The following NAGS variants were observed in gnomAD, a reference collection of about 807,000 sequenced individuals.
NAGS encodes N-acetylglutamate synthase, mitochondrial.
In NAGS, 34 loss-of-function variants were observed where a neutral mutation model predicts 46.9. The observed-to-expected ratio is 0.72, with a 90% CI of 0.55 to 0.97. NAGS has a LOEUF of 0.97. Among genes scored for constraint, NAGS ranks in the 50% least tolerant of loss-of-function variants. The pLI is 0.00. For missense variants in NAGS, 665 were observed against 747.0 expected (o/e 0.89, Z 1.28); for synonymous variants, 334 against 346.3 (o/e 0.96, Z 0.39).
Position 44,006,227 on chromosome 17 carries a change from G to A in NAGS, c.905G>A (p.Ser302Asn). ...FLNNTGGLRD[S>N]SHKVLSNVNL... is the part of the protein sequence containing the mutation. ...AATAACACAGGCGGCCTGCGCGACA[G>A]CAGTCATAAGGTGCGGCCCTTTCTT... is the stretch of plus-strand genomic sequence containing the variant. Residue 302 changes from serine (S) to asparagine (N), a missense_variant, in exon 3 of 7, where the codon AGC becomes AAC. Ser to Asn is a conservative substitution (Grantham distance 46, BLOSUM62 1). Coordinates refer to ENST00000293404, the MANE Select transcript of NAGS (RefSeq NM_153006.3). The surrounding 1 kb of genome is among the most constrained non-coding windows in gnomAD (Gnocchi z 4.8). The A allele has an allele frequency of 6.2e-7, 1 of 1,613,210 alleles. No homozygotes were observed. Among genetic ancestry groups the A allele is most frequent in the Non-Finnish European group, 8.5e-7 (1 of 1,180,018 alleles).
At position 44,006,951 on chromosome 17, in the gene NAGS, A is replaced by C; in HGVS notation, c.1096+242A>C. On this transcript the variant is annotated intron_variant, in intron 4 of 6. Coordinates refer to ENST00000293404, the MANE Select transcript of NAGS (RefSeq NM_153006.3). This position sits in a 1 kb window ranked among gnomAD's most constrained non-coding sequence, Gnocchi z 4.8. ...GGAATGGGCGGGACTAGGGGGGAGA[A>C]GGAGGGGCCCCCCGGTGGGCGGGGC... is the stretch of plus-strand genomic sequence containing the variant. The C allele has an allele frequency of 6.8e-6, 2 of 294,142 alleles. No individual in the cohort carries two copies. Among genetic ancestry groups the C allele is most frequent in the East Asian group, 5.7e-5 (1 of 17,660 alleles). 18.2% of individuals were successfully genotyped at this position (294,142 alleles called of 1,614,324 possible).
chr17:44,008,072 C>G (rs1478130180), intron 6 of NAGS, among the ~76,000 whole-genome samples: 1 of 152,186 alleles, frequency 6.6e-6, no homozygotes, highest in African/African-American at 2.4e-5. Context: ...AGTGGAACAT[C>G]CCTCCTCTCT....
Position 44,008,733 on chromosome 17 carries a change from G to C in NAGS, c.*132G>C. 8.1e-7 allele frequency: 1 copy of C among 1,241,304 alleles called. No homozygotes were observed. Among genetic ancestry groups the C allele is most frequent in the Non-Finnish European group, 1.2e-6 (1 of 858,004 alleles). 76.9% of individuals were successfully genotyped at this position (1,241,304 alleles called of 1,614,324 possible). A position where few individuals can be genotyped will look rare whatever the true frequency, so the allele number is the denominator to read the frequency against. On this transcript the variant is annotated 3_prime_UTR_variant, in exon 7 of 7. Coordinates refer to ENST00000293404, the MANE Select transcript of NAGS (RefSeq NM_153006.3). ...GGCTGAGTGATCTGCAGAGGAGAAA[G>C]CAGCCCCAGCTCTGCCCAGAGGAGG...
Position 44,007,450 on chromosome 17 carries a change from G to A in NAGS, c.1224G>A (p.Leu408=), listed in dbSNP as rs2143990246. Reference sequence around the variant, plus strand: ...GCAAGAAGCTCAGGGACGACTACCTGGCCTCGCTGCGCCCGCGGCTGCACT... The same window carrying A: ...GCAAGAAGCTCAGGGACGACTACCTAGCCTCGCTGCGCCCGCGGCTGCACT... ...SFGKKLRDDY[L]ASLRPRLHSI... Residue 408 remains leucine, a synonymous_variant, in exon 5 of 7, where the codon CTG becomes CTA. Coordinates refer to ENST00000293404, the MANE Select transcript of NAGS (RefSeq NM_153006.3). The surrounding 1 kb of genome is among the most constrained non-coding windows in gnomAD (Gnocchi z 5.1). 2 of 1,613,870 alleles carry A rather than the reference G, an allele frequency of 1.2e-6. No individual in the cohort carries two copies. The highest frequency in any genetic ancestry group is 1.7e-6 in the Non-Finnish European group (2 of 1,180,002).
Position 44,007,851 on chromosome 17 carries a change from A to G in NAGS, c.1451+78A>G. 6 of 1,446,130 alleles carry G rather than the reference A, an allele frequency of 4.1e-6. No homozygotes were observed. The highest frequency in any genetic ancestry group is 5.7e-6 in the Non-Finnish European group (6 of 1,051,714). 89.6% of individuals were successfully genotyped at this position (1,446,130 alleles called of 1,614,324 possible). On this transcript the variant is annotated intron_variant, in intron 6 of 6. Transcript: ENST00000293404. The surrounding 1 kb of genome is among the most constrained non-coding windows in gnomAD (Gnocchi z 5.1). ...CCCACCCTTGCCAACCATGCCAAGA[A>G]GGCTGGGCTTCCTCTTCTTCCACTG...
At chr17:44,008,329 A>G in intron 6 of NAGS, 119 bp from the exon 7 acceptor site, 1 of 1,219,764 alleles carries the variant, frequency 8.2e-7, no homozygotes, top group Non-Finnish European at 1.2e-6. Context: ...AGCAGGACCA[A>G]GCTGGGTGCC....
At position 44,006,534 on chromosome 17, in the gene NAGS, G is replaced by T; in HGVS notation, c.921G>T (p.Leu307=). The T allele has an allele frequency of 6.4e-7, 1 of 1,553,976 alleles. No individual in the cohort carries two copies. The highest frequency in any genetic ancestry group is 8.7e-7 in the Non-Finnish European group (1 of 1,148,514). The change falls in exon 4 of 7, where the codon CTG becomes CTT. Residue 307 remains leucine (L), a synonymous_variant. Coordinates refer to ENST00000293404, the MANE Select transcript of NAGS (RefSeq NM_153006.3). This position sits in a 1 kb window ranked among gnomAD's most constrained non-coding sequence, Gnocchi z 4.8. The part of the protein sequence containing the change: ...GGLRDSSHKV[L]SNVNLPADLD... ...CCCGCTGACTCCGGACACAGGTCCT[G>T]AGTAACGTGAACCTGCCCGCCGACC...
At position 44,006,517 on chromosome 17, in the gene NAGS, C is replaced by T; in HGVS notation, c.916-12C>T. ...GCTGTGGGCCAGGCTCACCCGCTGA[C>T]TCCGGACACAGGTCCTGAGTAACGT... On this transcript the variant is annotated splice_polypyrimidine_tract_variant and intron_variant, in intron 3 of 6. Transcript: ENST00000293404. This position sits in a 1 kb window ranked among gnomAD's most constrained non-coding sequence, Gnocchi z 4.8. The T allele has an allele frequency of 6.4e-7, 1 of 1,551,326 alleles. No homozygotes were observed. The highest frequency in any genetic ancestry group is 8.7e-7 in the Non-Finnish European group (1 of 1,147,390).
In NAGS at chr17:44,006,036, C is replaced by T. The variant is rs751366509; in HGVS notation, c.714C>T (p.Ile238=). 4 of 1,602,876 alleles carry T rather than the reference C, an allele frequency of 2.5e-6. No individual in the cohort carries two copies. The highest frequency in any genetic ancestry group is 1.3e-5 in the African/African-American group (1 of 74,662). ...GTCTGGCCCACAGCTACGGCGGCAT[C>T]GTCTCGGTGGAGACAGACCTGCTGC... ...EPAPHASYGG[I]VSVETDLLQW... The change falls in exon 3 of 7, where the codon ATC becomes ATT. Residue 238 remains isoleucine, a synonymous_variant. Coordinates refer to ENST00000293404, the MANE Select transcript of NAGS (RefSeq NM_153006.3). This position sits in a 1 kb window ranked among gnomAD's most constrained non-coding sequence, Gnocchi z 4.8.
In NAGS at chr17:44,006,781, A is replaced by G; in HGVS notation, c.1096+72A>G. 1.4e-6 allele frequency: 2 copies of G among 1,469,286 alleles called. No individual in the cohort carries two copies. Among genetic ancestry groups the G allele is most frequent in the East Asian group, 2.3e-5 (1 of 43,134 alleles). The allele number at this position is 1,469,286 out of a possible 1,614,324, so 91.0% of individuals were successfully genotyped here. ...TGGCCGGGGCTGGGTGTCTGCGGTC[A>G]GGAGGAGCGGCTTCTCCTCCTGTCC... On this transcript the variant is annotated intron_variant, in intron 4 of 6. Transcript: ENST00000293404. The surrounding 1 kb of genome is among the most constrained non-coding windows in gnomAD (Gnocchi z 4.8).
chr17:44,006,531 C>T lies in NAGS; in HGVS notation c.918C>T (p.Val306=). 1 of 1,553,318 alleles carries T rather than the reference C, an allele frequency of 6.4e-7. No homozygotes were observed. Among genetic ancestry groups the T allele is most frequent in the Non-Finnish European group, 8.7e-7 (1 of 1,148,264 alleles). Residue 306 remains valine (V), a splice_region_variant and synonymous_variant, in exon 4 of 7, where the codon GTC becomes GTT. Coordinates refer to ENST00000293404, the MANE Select transcript of NAGS (RefSeq NM_153006.3). The surrounding 1 kb of genome is among the most constrained non-coding windows in gnomAD (Gnocchi z 4.8). The part of the protein sequence containing the change: ...TGGLRDSSHK[V]LSNVNLPADL... ...TCACCCGCTGACTCCGGACACAGGT[C>T]CTGAGTAACGTGAACCTGCCCGCCG...
rs770937237 is a variant in NAGS, at chr17:44,008,610, A to G, written c.*9A>G. On this transcript the variant is annotated 3_prime_UTR_variant, in exon 7 of 7. Coordinates refer to ENST00000293404, the MANE Select transcript of NAGS (RefSeq NM_153006.3). ...CTGACCCAGGCAGCTGACCCTCACC[A>G]TGGACACTACAGGCCCTGGAATGGC... The G allele has an allele frequency of 9.9e-6, 16 of 1,613,100 alleles. No homozygotes were observed. The South Asian group carries it at 1.6e-4, about 17-fold the overall frequency.
In NAGS at chr17:44,006,428, G is replaced by A. The variant is rs1041987739; in HGVS notation, c.916-101G>A. On this transcript the variant is annotated intron_variant, in intron 3 of 6. Transcript: ENST00000293404. This position sits in a 1 kb window ranked among gnomAD's most constrained non-coding sequence, Gnocchi z 4.8. ...CCTCCCTGGCTAAGGACTCCGGGCGGAAGTAAGGATAAAGGGGTCAGAGAA... is the reference window on the plus strand; with the variant it reads ...CCTCCCTGGCTAAGGACTCCGGGCGAAAGTAAGGATAAAGGGGTCAGAGAA... 5 of 1,512,726 alleles carry A rather than the reference G, an allele frequency of 3.3e-6. No homozygotes were observed. Among genetic ancestry groups the A allele is most frequent in the East Asian group, 2.5e-5 (1 of 40,550 alleles). The allele number at this position is 1,512,726 out of a possible 1,614,324, so 93.7% of individuals were successfully genotyped here.
Position 44,005,494 on chromosome 17 carries a change from G to T in NAGS, c.427-143G>T. ...GGCAAGACCCAACGGGGCAAAGGGC[G>T]GAGCAGGTGGGCACTGGTGGCCAGA... On this transcript the variant is annotated intron_variant, in intron 1 of 6. Transcript: ENST00000293404. This position sits in a 1 kb window ranked among gnomAD's most constrained non-coding sequence, Gnocchi z 7.2. 1 of 1,148,930 alleles carries T rather than the reference G, an allele frequency of 8.7e-7. No individual in the cohort carries two copies. Among genetic ancestry groups the T allele is most frequent in the Non-Finnish European group, 1.2e-6 (1 of 805,246 alleles). 71.2% of individuals were successfully genotyped at this position (1,148,930 alleles called of 1,614,324 possible).
In NAGS at chr17:44,006,490, C is replaced by T. The variant is rs183275808; in HGVS notation, c.916-39C>T. The T allele has an allele frequency of 1.8e-3, 2,855 of 1,547,552 alleles. 3 individuals are homozygous for T. The highest frequency in any genetic ancestry group is 2.4e-3 in the Non-Finnish European group (2,710 of 1,146,092). On this transcript the variant is annotated intron_variant, in intron 3 of 6. Transcript: ENST00000293404. The surrounding 1 kb of genome is among the most constrained non-coding windows in gnomAD (Gnocchi z 4.8). ...GTGGGGGTAGGGGGGCAGTCCGTGC[C>T]GGCTGTGGGCCAGGCTCACCCGCTG...
chr17:44,007,741 G>A lies in NAGS; in HGVS notation c.1419G>A (p.Trp473Ter), dbSNP rs1039703404. 3 of 1,590,382 alleles carry A rather than the reference G, an allele frequency of 1.9e-6. No individual in the cohort carries two copies. Among genetic ancestry groups the A allele is most frequent in the Non-Finnish European group, 2.6e-6 (3 of 1,167,338 alleles). The change falls in exon 6 of 7, where the codon TGG (tryptophan) becomes TGA (stop). Residue 473 changes from tryptophan (W) to a stop codon, truncating the protein, a stop_gained. Transcript: ENST00000293404. LOFTEE classifies it high-confidence loss of function. This position sits in a 1 kb window ranked among gnomAD's most constrained non-coding sequence, Gnocchi z 5.1. ...CLRRDLQTLF[W>*]RSRVTNPINP... ...GGCGGGACCTTCAGACACTTTTCTG[G>A]CGCTCCCGGGTCACCAACCCCATCA...
rs1385341972 is a variant in NAGS, at chr17:44,007,628, C to G, written c.1306C>G (p.Leu436Val). 3 of 1,605,594 alleles carry G rather than the reference C, an allele frequency of 1.9e-6. No individual in the cohort carries two copies. Among genetic ancestry groups the G allele is most frequent in the Non-Finnish European group, 2.6e-6 (3 of 1,176,196 alleles). Residue 436 changes from leucine (L) to valine (V), a missense_variant, in exon 6 of 7, where the codon CTG (leucine) becomes GTG (valine). Physicochemically the swap from Leu to Val is conservative, Grantham distance 32. Transcript: ENST00000293404. This position sits in a 1 kb window ranked among gnomAD's most constrained non-coding sequence, Gnocchi z 5.1. ...AAAILTMEPV[L>V]GGTPYLDKFV... ...CGCCATTCTGACCATGGAGCCCGTC[C>G]TGGGGGGCACCCCGTACCTGGACAA...
chr17:44,004,808 C>A lies in NAGS; in HGVS notation c.145C>A (p.Leu49Ile). The A allele has an allele frequency of 6.9e-7, 1 of 1,457,134 alleles. No homozygotes were observed. Among genetic ancestry groups the A allele is most frequent in the Admixed American group, 2.4e-5 (1 of 42,326 alleles). The allele number at this position is 1,457,134 out of a possible 1,614,324, so 90.3% of individuals were successfully genotyped here. Reference sequence around the variant, plus strand: ...GAGGGGCACCAGCCCGGGGCGCCGGCTCAGCACCGCCTGGTCGCAGCCCCA... The same window carrying A: ...GAGGGGCACCAGCCCGGGGCGCCGGATCAGCACCGCCTGGTCGCAGCCCCA... ...AARGTSPGRRLSTAWSQPQPP... is the reference protein window; with the variant it reads ...AARGTSPGRRISTAWSQPQPP... The change falls in exon 1 of 7, where the codon CTC becomes ATC. Residue 49 changes from leucine (L) to isoleucine (I), a missense_variant. Transcript: ENST00000293404.
chr17:44,005,584 G>C lies in NAGS; in HGVS notation c.427-53G>C, dbSNP rs1001833864. 1.1e-5 allele frequency: 18 copies of C among 1,587,792 alleles called. No individual in the cohort carries two copies. In the African/African-American group the frequency reaches 2.3e-4, roughly 20 times the overall value. On this transcript the variant is annotated intron_variant, in intron 1 of 6. Transcript: ENST00000293404. The surrounding 1 kb of genome is among the most constrained non-coding windows in gnomAD (Gnocchi z 7.2). ...GACGGCCCTGCAGGCCAGGCTGTGG[G>C]AGCCAGCGGCTCAGGTCCGTGTCAC... is the stretch of plus-strand genomic sequence containing the variant.
Sources: gnomAD v4.1 joint callset for allele counts (sites outside exome capture counted in the v4.1 genomes callset) on GRCh38, gnomAD v4.1.1 for gene constraint, Gnocchi (gnomAD v3.1) non-coding constraint, MANE v1.5 for transcripts, NCBI Gene and HGNC (gene_info 2026-07-23, HGNC 2026-07-21) for gene names.